Variants in NRXN3 observed in about 807,000 individuals in gnomAD.
The protein encoded by NRXN3 is neurexin III.
NRXN3 carries 32 observed loss-of-function variants against 137.6 expected under a neutral mutation model. That is an observed-to-expected ratio of 0.23 (90% CI 0.18 to 0.31). The LOEUF (loss-of-function observed/expected upper bound fraction) is 0.31, where lower values mean the gene tolerates loss of function less well. NRXN3 is among the 10% of genes least tolerant of loss of function. The probability of loss-of-function intolerance (pLI) is 1.00; values close to 1 mark genes in which losing one functional copy is unlikely to be tolerated. For missense variants in NRXN3, 1,574 were observed against 2,062.5 expected (o/e 0.76, Z 4.59); for synonymous variants, 798 against 784.5 (o/e 1.02, Z -0.29).
At chr14:79,347,922 C>T (rs184793121) in intron 15 of NRXN3, among the ~76,000 whole-genome samples, 1,591 of 152,312 alleles carry the variant, frequency 0.01, 31 homozygotes, top group African/African-American at 0.036. Flanking sequence ...GTGACGATGA[C>T]ATTTTTCTCA....
intron 15 of NRXN3, among the ~76,000 whole-genome samples, chr14:79,071,686 G>A (rs73320849): frequency 0.043 from 6,483 of 152,190 alleles, 508 homozygotes; most frequent in African/African-American, 0.15. Flanking sequence ...AAGGAACTTG[G>A]AGGGAAAAGT....
intron 8 of NRXN3, among the ~76,000 whole-genome samples, chr14:78,744,141 TTTTG>T (rs1386283163): frequency 1.3e-5 from 2 of 152,066 alleles, no homozygotes; most frequent in Admixed American, 6.6e-5. Context: ...CCTGCAGGTT[TTTTG>T]TTTGTTTGTT....
At chr14:78,911,661 A>AGCATGTTATTTTCT (rs1441644338) in intron 10 of NRXN3, among the ~76,000 whole-genome samples, 1 of 152,172 alleles carries the variant, frequency 6.6e-6, no homozygotes, top group Non-Finnish European at 1.5e-5. Flanking sequence ...GTCATTTGAA[A>AGCATGTTATTTTCT]GCATGTTATT....
intron 15 of NRXN3, among the ~76,000 whole-genome samples, chr14:79,370,117 C>T (rs918729267): frequency 6.6e-6 from 1 of 152,098 alleles, no homozygotes; most frequent in African/African-American, 2.4e-5. Context: ...TTGAACTTGG[C>T]TTCACTTCTA....
chr14:79,207,933 A>G (rs970968469), intron 15 of NRXN3, among the ~76,000 whole-genome samples: 1 of 152,172 alleles, frequency 6.6e-6, no homozygotes, highest in African/African-American at 2.4e-5. Flanking sequence ...ATACTAACAC[A>G]TTGAATCTTC....
chr14:79,411,658 A>G (rs1210404344), intron 15 of NRXN3, among the ~76,000 whole-genome samples: 1 of 152,200 alleles, frequency 6.6e-6, no homozygotes, highest in African/African-American at 2.4e-5. Flanking sequence ...GTCAAATGGT[A>G]TGTAGTAGAG....
chr14:78,850,221 G>A (rs935347272), intron 10 of NRXN3, among the ~76,000 whole-genome samples: 34 of 151,998 alleles, frequency 2.2e-4, no homozygotes, highest in African/African-American at 7.2e-4. Flanking sequence ...AGCAGGAAGG[G>A]CCTAGAAACC....
chr14:79,261,005 G>C (rs2077501043), intron 15 of NRXN3, among the ~76,000 whole-genome samples: 1 of 152,196 alleles, frequency 6.6e-6, no homozygotes, highest in African/African-American at 2.4e-5. Flanking sequence ...AGGCTAGTTA[G>C]TTCTTTATCC....
At chr14:78,330,431 A>C (rs2080667018) in intron 4 of NRXN3, among the ~76,000 whole-genome samples, 1 of 151,906 alleles carries the variant, frequency 6.6e-6, no homozygotes, top group Admixed American at 6.6e-5. Context: ...GAGCCCACCT[A>C]ATTTAGGTGG....
At chr14:79,456,794 T>G (rs1484314597) in intron 15 of NRXN3, among the ~76,000 whole-genome samples, 4 of 150,808 alleles carry the variant, frequency 2.7e-5, no homozygotes, top group East Asian at 3.9e-4. Context: ...GAGGAGAGGA[T>G]AGGAGAGGAG....
chr14:79,486,541 T>G (rs954316994), intron 16 of NRXN3, among the ~76,000 whole-genome samples: 1 of 152,112 alleles, frequency 6.6e-6, no homozygotes, highest in African/African-American at 2.4e-5. Context: ...CCTCAGCAGT[T>G]CCCAGGAGGA....
At chr14:78,366,130 TAAGTA>T (rs1300391289) in intron 4 of NRXN3, among the ~76,000 whole-genome samples, 2 of 152,186 alleles carry the variant, frequency 1.3e-5, no homozygotes, top group African/African-American at 2.4e-5. Flanking sequence ...TTTTGAGAAT[TAAGTA>T]AAGAGATTAA....
intron 7 of NRXN3, 130 bp downstream of exon 7, chr14:78,709,785 C>T: frequency 1.2e-6 from 1 of 813,676 alleles, no homozygotes; most frequent in East Asian, 2.6e-5. Context: ...TCTTTAATGG[C>T]TGTTGTAAAA....
intron 15 of NRXN3, among the ~76,000 whole-genome samples, chr14:79,049,171 G>A (rs559081472): frequency 4.1e-5 from 6 of 148,016 alleles, no homozygotes; most frequent in Admixed American, 1.4e-4. Flanking sequence ...GATGCTGTTT[G>A]ATAGCATTTT....
chr14:79,118,178 A>T, intron 15 of NRXN3, among the ~76,000 whole-genome samples: 1 of 150,916 alleles, frequency 6.6e-6, no homozygotes, highest in African/African-American at 2.4e-5. Flanking sequence ...AAAAGGAATG[A>T]CTCTTTTTAT....
chr14:79,807,029 G>A (rs1205977712), intron 20 of NRXN3, among the ~76,000 whole-genome samples: 2 of 125,050 alleles, frequency 1.6e-5, no homozygotes, highest in Non-Finnish European at 3.2e-5. Flanking sequence ...CTAGGCTGGA[G>A]TGCAGTGGCG....
chr14:78,770,408 T>C (rs541351946), intron 8 of NRXN3, among the ~76,000 whole-genome samples: 2 of 152,286 alleles, frequency 1.3e-5, no homozygotes, highest in East Asian at 3.9e-4. Context: ...GCCAGGTTCC[T>C]GTGCTCAGGG....
chr14:79,109,538 T>C (rs1004491469), intron 15 of NRXN3, among the ~76,000 whole-genome samples: 9 of 152,156 alleles, frequency 5.9e-5, no homozygotes, highest in African/African-American at 2.2e-4. Flanking sequence ...GAAATGAATA[T>C]TTAAACAGAT....
chr14:78,311,923 A>G (rs142909407), intron 4 of NRXN3, among the ~76,000 whole-genome samples: 1 of 152,272 alleles, frequency 6.6e-6, no homozygotes, highest in Non-Finnish European at 1.5e-5. Flanking sequence ...AGTCGATTCC[A>G]CTGTGATTTT....
Sources: gnomAD v4.1 joint callset for allele counts (sites outside exome capture counted in the v4.1 genomes callset) on GRCh38, gnomAD v4.1.1 for gene constraint, MANE v1.5 for transcripts, NCBI Gene and HGNC (gene_info 2026-07-23, HGNC 2026-07-21) for gene names.